PCDHAC1: variants seen among roughly 807,000 people sequenced by gnomAD.
PCDHAC1 encodes the protein protocadherin alpha subfamily C, 1, also known as protocadherin alpha-C1.
Under a neutral mutation model 60.0 loss-of-function variants are expected in PCDHAC1, and 42 were observed. The ratio of observed to expected loss-of-function variants is 0.70; its 90% confidence interval spans 0.55 to 0.90. The LOEUF (loss-of-function observed/expected upper bound fraction) is 0.90, where lower values mean the gene tolerates loss of function less well. Among genes scored for constraint, PCDHAC1 ranks in the 40% least tolerant of loss-of-function variants. The pLI is 0.00. For missense variants in PCDHAC1, 1,160 were observed against 1,222.3 expected (o/e 0.95, Z 0.76); for synonymous variants, 468 against 499.3 (o/e 0.94, Z 0.84).
At chr5:140,996,695 A>G (rs1207094122) in intron 3 of PCDHAC1, among the ~76,000 whole-genome samples, 1 of 152,088 alleles carries the variant, frequency 6.6e-6, no homozygotes, top group East Asian at 1.9e-4. Context: ...ATTCTTCTGA[A>G]CCTCTATCTC....
intron 3 of PCDHAC1, among the ~76,000 whole-genome samples, chr5:140,989,205 C>G (rs750885432): frequency 6.6e-6 from 1 of 152,192 alleles, no homozygotes; most frequent in Admixed American, 6.5e-5. Flanking sequence ...TTCTAGCTTT[C>G]TTTATACACC....
intron 1 of PCDHAC1, chr5:140,929,822 A>G (rs1554207413): frequency 1.9e-5 from 3 of 157,286 alleles, no homozygotes; most frequent in African/African-American, 2.4e-5. Flanking sequence ...GAAAGGGAAC[A>G]TAAGAGAACA....
At chr5:140,929,417 T>C in intron 1 of PCDHAC1, 92 bp downstream of exon 1, 2 of 1,503,568 alleles carry the variant, frequency 1.3e-6, no homozygotes, top group Non-Finnish European at 1.8e-6. Context: ...TTTCACAACA[T>C]TTCATCAATT....
At chr5:140,988,579 C>T (rs1292742279) in intron 3 of PCDHAC1, among the ~76,000 whole-genome samples, 2 of 152,266 alleles carry the variant, frequency 1.3e-5, no homozygotes, top group East Asian at 3.9e-4. Context: ...CACTCTGTAC[C>T]TTCCACTTTT....
intron 3 of PCDHAC1, among the ~76,000 whole-genome samples, chr5:140,996,539 A>G (rs1023035245): frequency 2.6e-5 from 4 of 152,170 alleles, no homozygotes; most frequent in South Asian, 4.1e-4. Flanking sequence ...GTGTTTTGAT[A>G]TTATGCTGTC....
chr5:141,001,999 A>G (rs1554258445), intron 3 of PCDHAC1, among the ~76,000 whole-genome samples: 1 of 152,198 alleles, frequency 6.6e-6, no homozygotes, highest in African/African-American at 2.4e-5. Flanking sequence ...TTCACTTGCA[A>G]ACACAGAATC....
At chr5:140,982,159 G>A (rs1466298378) in intron 2 of PCDHAC1, among the ~76,000 whole-genome samples, 1 of 152,262 alleles carries the variant, frequency 6.6e-6, no homozygotes, top group African/African-American at 2.4e-5. Flanking sequence ...GTATCGAGAT[G>A]TTAAAATGGC....
chr5:140,982,221 A>T, intron 2 of PCDHAC1: 1 of 546,340 alleles, frequency 1.8e-6, no homozygotes. Flanking sequence ...ACATGGCGTT[A>T]ATAAAAAACA....
chr5:140,978,834 C>A (rs1294349430), intron 1 of PCDHAC1, 115 bp from the exon 2 acceptor site: 3 of 1,546,580 alleles, frequency 1.9e-6, no homozygotes, highest in Non-Finnish European at 2.6e-6. Context: ...ATGGCTCATT[C>A]AATACTTTTT....
intron 1 of PCDHAC1, chr5:140,967,632 A>G (rs371201664): frequency 1.9e-5 from 31 of 1,614,028 alleles, no homozygotes; most frequent in Admixed American, 1.7e-4. Context: ...GAGGGCTCCA[A>G]TGGTGAGCTC....
intron 1 of PCDHAC1, among the ~76,000 whole-genome samples, chr5:140,961,726 A>ACAAT (rs1470566144): frequency 1.4e-4 from 21 of 152,270 alleles, no homozygotes; most frequent in African/African-American, 4.8e-4. Flanking sequence ...GTGCTCATAA[A>ACAAT]CAATCACTTT....
intron 3 of PCDHAC1, among the ~76,000 whole-genome samples, chr5:141,000,018 A>G (rs2097889437): frequency 6.6e-6 from 1 of 152,038 alleles, no homozygotes; most frequent in East Asian, 1.9e-4. Flanking sequence ...CCCCATTGCT[A>G]AGCCTGACAT....
At position 140,926,946 on chromosome 5, in the gene PCDHAC1, A is replaced by C; in HGVS notation, c.54A>C (p.Ala18=). The C allele has an allele frequency of 6.3e-7, 1 of 1,590,228 alleles. No individual in the cohort carries two copies. The highest frequency in any genetic ancestry group is 8.6e-7 in the Non-Finnish European group (1 of 1,165,376). Reference sequence around the variant, plus strand: ...GTTTGTGGGTTTCCTGCGGCGCTGCAGCGGGACAGCTCGAGTACTCAGTGC... The same window carrying C: ...GTTTGTGGGTTTCCTGCGGCGCTGCCGCGGGACAGCTCGAGTACTCAGTGC... The part of the protein sequence containing the change: ...VLCLWVSCGA[A]AGQLEYSVPE... The change falls in exon 1 of 4, where the codon GCA becomes GCC. Residue 18 remains alanine (A), a synonymous_variant. Coordinates refer to ENST00000253807, the MANE Select transcript of PCDHAC1 (RefSeq NM_018898.5).
At chr5:140,981,601 T>C (rs2096939953) in intron 2 of PCDHAC1, among the ~76,000 whole-genome samples, 1 of 152,086 alleles carries the variant, frequency 6.6e-6, no homozygotes, top group Non-Finnish European at 1.5e-5. Flanking sequence ...AACAAAATGT[T>C]CCTCTAATTT....
chr5:140,961,704 C>T (rs1381981839), intron 1 of PCDHAC1, among the ~76,000 whole-genome samples: 1 of 152,086 alleles, frequency 6.6e-6, no homozygotes, highest in African/African-American at 2.4e-5. Flanking sequence ...GTATGAATGC[C>T]TTCATTTCTA....
intron 1 of PCDHAC1, among the ~76,000 whole-genome samples, chr5:140,943,086 G>A (rs1384084328): frequency 6.6e-6 from 1 of 151,632 alleles, no homozygotes; most frequent in African/African-American, 2.4e-5. Flanking sequence ...GTGAAATCCT[G>A]CCTCTACTAA....
chr5:141,009,003 A>G (rs782499793), intron 3 of PCDHAC1, among the ~76,000 whole-genome samples: 16 of 152,220 alleles, frequency 1.1e-4, no homozygotes, highest in Non-Finnish European at 1.5e-4. Flanking sequence ...AAAGGAGCAT[A>G]TTTTGCCTTT....
chr5:140,959,061 A>G (rs1434123552), intron 1 of PCDHAC1, among the ~76,000 whole-genome samples: 2 of 152,126 alleles, frequency 1.3e-5, no homozygotes, highest in Non-Finnish European at 2.9e-5. Flanking sequence ...AATGCAGTAT[A>G]TATAGAATTC....
chr5:140,999,527 C>T (rs578180518), intron 3 of PCDHAC1, among the ~76,000 whole-genome samples: 27 of 152,206 alleles, frequency 1.8e-4, no homozygotes, highest in African/African-American at 5.8e-4. Flanking sequence ...TTGTTACCCC[C>T]TGGATATGAC....
Sources: gnomAD v4.1 joint callset for allele counts (sites outside exome capture counted in the v4.1 genomes callset) on GRCh38, gnomAD v4.1.1 for gene constraint, MANE v1.5 for transcripts, NCBI Gene and HGNC (gene_info 2026-07-23, HGNC 2026-07-21) for gene names.